The following BANP variants were observed in gnomAD, a reference collection of about 807,000 sequenced individuals.
The protein encoded by BANP is BTG3 associated nuclear protein.
Under a neutral mutation model 68.1 loss-of-function variants are expected in BANP, and 11 were observed. That is an observed-to-expected ratio of 0.16 (90% CI 0.10 to 0.27). BANP has a LOEUF of 0.27. Among genes scored for constraint, BANP ranks in the 10% least tolerant of loss-of-function variants. The pLI, the probability that BANP is intolerant of heterozygous loss-of-function variation, is 1.00. For missense variants in BANP, 504 were observed against 722.7 expected, an observed-to-expected ratio of 0.70 and a Z score of 3.47; for synonymous variants, 329 against 303.2, an observed-to-expected ratio of 1.09 and a Z score of -0.88.
At chr16:87,960,336 C>G (rs1310937038) in intron 1 of BANP, among the ~76,000 whole-genome samples, 2 of 152,092 alleles carry the variant, frequency 1.3e-5, no homozygotes, top group African/African-American at 2.4e-5. Context: ...TTCAGCAGCT[C>G]TTGGGAAGAG....
intron 4 of BANP, among the ~76,000 whole-genome samples, chr16:87,985,372 A>G (rs78599691): frequency 0.014 from 2,163 of 150,796 alleles, 45 homozygotes; most frequent in African/African-American, 0.048. Flanking sequence ...TGGGGCCTTC[A>G]CCCTGCACAA....
chr16:87,983,174 C>T (rs2063619431), intron 3 of BANP, among the ~76,000 whole-genome samples: 1 of 152,318 alleles, frequency 6.6e-6, no homozygotes, highest in African/African-American at 2.4e-5. Context: ...GTGCTGTTTT[C>T]AGCTGTTGAT....
chr16:87,961,948 G>A (rs1377156776), intron 1 of BANP, among the ~76,000 whole-genome samples: 5 of 152,102 alleles, frequency 3.3e-5, no homozygotes, highest in African/African-American at 9.7e-5. Context: ...TATAAGAAAT[G>A]CATTTCTTAG....
chr16:87,959,065 T>A (rs2058632402), intron 1 of BANP, among the ~76,000 whole-genome samples: 1 of 152,184 alleles, frequency 6.6e-6, no homozygotes, highest in South Asian at 2.1e-4. Context: ...GGTGGAGATC[T>A]TTGTGGAGTT....
chr16:88,055,042 T>C (rs55959009), intron 11 of BANP, among the ~76,000 whole-genome samples: 15,908 of 152,176 alleles, frequency 0.1, 1,614 homozygotes, highest in African/African-American at 0.27. Flanking sequence ...ATCATGCTGC[T>C]TAGATCATGA....
chr16:88,016,961 A>T (rs964283808), intron 6 of BANP, among the ~76,000 whole-genome samples: 1 of 152,188 alleles, frequency 6.6e-6, no homozygotes, highest in Non-Finnish European at 1.5e-5. Flanking sequence ...GTGTTTGAAG[A>T]CAGGGTGACC....
In BANP at chr16:88,055,769, C is replaced by T. The variant is rs11642672; in HGVS notation, c.1312-9498C>T. Among the ~76,000 whole-genome samples, 1,143 of 152,078 alleles carry T rather than the reference C, an allele frequency of 7.5e-3. 10 individuals carry two copies. The highest frequency in any genetic ancestry group is 0.02 in the Middle Eastern group (6 of 294). On this transcript the variant is annotated intron_variant, in intron 11 of 13. Coordinates refer to ENST00000682872, the MANE Select transcript of BANP (RefSeq NM_001386991.1). ...TCATCTCGCCTTCCTAGACACACAC[C>T]CTATGTCACTTGTAATAAAAATGCT...
intron 1 of BANP, chr16:87,970,015 C>G (rs1167682005): frequency 6.7e-6 from 1 of 149,982 alleles, no homozygotes; most frequent in African/African-American, 2.5e-5. Context: ...TTAAGCGATT[C>G]TCCTTTCTCA....
chr16:88,076,322 G>C (rs866775162), intron 13 of BANP, among the ~76,000 whole-genome samples: 3 of 146,108 alleles, frequency 2.1e-5, no homozygotes, highest in African/African-American at 5.0e-5. Context: ...CTGCTGCGCC[G>C]GCCCCGGTGA....
Position 87,984,242 on chromosome 16 carries a change from G to T in BANP, c.345G>T (p.Thr115=), listed in dbSNP as rs140824678. 1 of 1,589,856 alleles carries T rather than the reference G, an allele frequency of 6.3e-7. No individual in the cohort carries two copies. Among genetic ancestry groups the T allele is most frequent in the Non-Finnish European group, 8.6e-7 (1 of 1,166,968 alleles). ...GCTCCCCTCTCGGGGCAACCCAGAC[G>T]TGCAACAAAGTGCGATGGTAAGAAC... ...VAGSPLGATQ[T]CNKVRCVVPQ... is the part of the protein sequence containing the mutation. Residue 115 remains threonine, a synonymous_variant, in exon 4 of 14, where the codon ACG becomes ACT. Transcript: ENST00000682872.
Position 88,006,157 on chromosome 16 carries a change from G to A in BANP, c.547G>A (p.Glu183Lys), listed in dbSNP as rs1228899234. 1.9e-6 allele frequency: 3 copies of A among 1,614,032 alleles called. No homozygotes were observed. Among genetic ancestry groups the A allele is most frequent in the East Asian group, 2.2e-5 (1 of 44,874 alleles). ...GCCGGGCCAAGAAGACAGCCACCAC[G>A]AGGACGGGGAGAGCGGCTCGGAGGC... ...KVPGQEDSHH[E>K]DGESGSEASD... The change falls in exon 6 of 14, where the codon GAG (glutamate) becomes AAG (lysine). Residue 183 changes from glutamate (E) to lysine (K), a missense_variant. Glu to Lys is a moderately conservative substitution (Grantham distance 56, BLOSUM62 1). Coordinates refer to ENST00000682872, the MANE Select transcript of BANP (RefSeq NM_001386991.1).
intron 11 of BANP, among the ~76,000 whole-genome samples, chr16:88,044,750 G>A (rs1390672693): frequency 2.6e-5 from 4 of 152,218 alleles, no homozygotes; most frequent in East Asian, 3.9e-4. Context: ...TTGGGAGGCC[G>A]AGGCAGGTGG....
At chr16:88,056,463 T>C (rs573757325) in intron 11 of BANP, among the ~76,000 whole-genome samples, 582 of 46,142 alleles carry the variant, frequency 0.013, 5 homozygotes, top group East Asian at 0.061. Context: ...TTCTCTCTCT[T>C]TTTTTTTTTT....
At chr16:88,016,697 A>G (rs2074648618) in intron 6 of BANP, among the ~76,000 whole-genome samples, 1 of 152,198 alleles carries the variant, frequency 6.6e-6, no homozygotes, top group African/African-American at 2.4e-5. Context: ...GACTCCACCC[A>G]TTAGCCTTGA....
At chr16:87,981,433 C>T (rs1315127771) in intron 3 of BANP, among the ~76,000 whole-genome samples, 2 of 152,220 alleles carry the variant, frequency 1.3e-5, no homozygotes, top group African/African-American at 4.8e-5. Flanking sequence ...CTTCTCTCCT[C>T]TAGTAAGGAC....
intron 8 of BANP, among the ~76,000 whole-genome samples, chr16:88,028,898 C>T (rs1226062054): frequency 2.0e-5 from 3 of 152,220 alleles, no homozygotes; most frequent in Non-Finnish European, 4.4e-5. Context: ...ATCATTTTTA[C>T]AGTGCCTGTC....
At chr16:87,960,734 T>C (rs1418264885) in intron 1 of BANP, among the ~76,000 whole-genome samples, 2 of 152,196 alleles carry the variant, frequency 1.3e-5, no homozygotes, top group African/African-American at 4.8e-5. Flanking sequence ...GTTGGGTGGT[T>C]GTTGAGGGAT....
Position 88,002,297 on chromosome 16 carries a change from CTCTG to C in BANP, c.363-1994_363-1991del, listed in dbSNP as rs2069635721. ...GTCCTCAGAAACTGTTTTTGATGAT[CTCTG>C]TCTATTTTGTTGAAAGCAAAGATTG... On this transcript the variant is annotated intron_variant, in intron 4 of 13. Coordinates refer to ENST00000682872, the MANE Select transcript of BANP (RefSeq NM_001386991.1). The surrounding 1 kb of genome is among the most constrained non-coding windows in gnomAD (Gnocchi z 4.6). Among the ~76,000 whole-genome samples, 1 of 152,178 alleles carries C rather than the reference CTCTG, an allele frequency of 6.6e-6. No homozygotes were observed. Among genetic ancestry groups the C allele is most frequent in the Non-Finnish European group, 1.5e-5 (1 of 67,990 alleles).
chr16:87,983,653 C>T (rs6540134), intron 3 of BANP, among the ~76,000 whole-genome samples: 69,353 of 150,874 alleles, frequency 0.46, 18,535 homozygotes, highest in African/African-American at 0.71. Flanking sequence ...GGCTGTGAGG[C>T]GAATGTGCGT....
Sources: gnomAD v4.1 joint callset for allele counts (sites outside exome capture counted in the v4.1 genomes callset) on GRCh38, gnomAD v4.1.1 for gene constraint, Gnocchi (gnomAD v3.1) non-coding constraint, MANE v1.5 for transcripts, NCBI Gene and HGNC (gene_info 2026-07-23, HGNC 2026-07-21) for gene names.